The following KLRG2 variants were observed in gnomAD, a reference collection of about 807,000 sequenced individuals.
KLRG2 encodes the protein killer cell lectin like receptor G2, also known as killer cell lectin-like receptor subfamily G member 2.
A neutral mutation model predicts 35.4 loss-of-function variants in KLRG2; 39 were observed. The ratio of observed to expected loss-of-function variants is 1.10; its 90% CI spans 0.85 to 1.44. KLRG2 has a LOEUF of 1.44. KLRG2 is among the 40% of genes most tolerant of loss of function. KLRG2 has a pLI of 0.00. For missense variants in KLRG2, 632 were observed against 570.9 expected, an observed-to-expected ratio of 1.11 and a Z score of -1.09; for synonymous variants, 283 against 265.8, an observed-to-expected ratio of 1.06 and a Z score of -0.63.
intron 3 of KLRG2, among the ~76,000 whole-genome samples, chr7:139,464,423 G>A (rs866852780): frequency 6.6e-5 from 10 of 152,044 alleles, no homozygotes; most frequent in Admixed American, 1.3e-4. Context: ...CAGGATCTGC[G>A]CCTTATCAAC....
the KLRG2 span, among the ~76,000 whole-genome samples, chr7:139,428,379 G>A: frequency 6.6e-6 from 1 of 151,852 alleles, no homozygotes; most frequent in African/African-American, 2.4e-5. Flanking sequence ...GAATAGCCCT[G>A]CCCCCACCCA....
the KLRG2 span, among the ~76,000 whole-genome samples, chr7:139,431,393 C>T: frequency 6.6e-6 from 1 of 151,618 alleles, no homozygotes; most frequent in Non-Finnish European, 1.5e-5. Context: ...CATTATGCCT[C>T]AGTAAATCTG....
chr7:139,453,228 A>G lies in KLRG2; in HGVS notation c.*359T>C, dbSNP rs148224322. 4.0e-5 allele frequency: 17 copies of G among 423,118 alleles called. No individual in the cohort carries two copies. The highest frequency in any genetic ancestry group is 2.7e-4 in the Admixed American group (6 of 22,338). The allele number at this position is 423,118 out of a possible 1,614,324, so 26.2% of individuals were successfully genotyped here. Reference sequence around the variant, plus strand: ...TCCATGAGCCGGAATGAGAACCCAGATTGGAATCCGCTGTGGTTGTTAACC... The same window carrying G: ...TCCATGAGCCGGAATGAGAACCCAGGTTGGAATCCGCTGTGGTTGTTAACC... On this transcript the variant is annotated 3_prime_UTR_variant, in exon 5 of 5. Transcript: ENST00000340940.
At chr7:139,433,074 C>T in the KLRG2 span, among the ~76,000 whole-genome samples, 1 of 152,160 alleles carries the variant, frequency 6.6e-6, no homozygotes, top group Admixed American at 6.5e-5. Flanking sequence ...TGTGGTTCCT[C>T]CTTGTATTTG....
In KLRG2 at chr7:139,483,466, G is replaced by T. The variant is rs1585181419; in HGVS notation, c.177C>A (p.Gly59=). Residue 59 remains glycine, a synonymous_variant, in exon 1 of 5, where the codon GGC becomes GGA. Transcript: ENST00000340940. Reference sequence around the variant, plus strand: ...TCTTGCTCGAGGGCTCCAGGCCTGCGCCCGCCGCCTTCTCCACGGCCCCGG... The same window carrying T: ...TCTTGCTCGAGGGCTCCAGGCCTGCTCCCGCCGCCTTCTCCACGGCCCCGG... ...SPAGAVEKAA[G]AGLEPSSKKK... is the part of the protein sequence containing the mutation. 1.3e-6 allele frequency: 2 copies of T among 1,590,968 alleles called. No homozygotes were observed. The highest frequency in any genetic ancestry group is 1.7e-6 in the Non-Finnish European group (2 of 1,176,492).
chr7:139,444,586 T>G, the KLRG2 span, among the ~76,000 whole-genome samples: 1 of 152,148 alleles, frequency 6.6e-6, no homozygotes, highest in Non-Finnish European at 1.5e-5. Context: ...AGTGAGAGGG[T>G]GGCCATCTGC....
chr7:139,446,090 G>A, the KLRG2 span, among the ~76,000 whole-genome samples: 1 of 151,288 alleles, frequency 6.6e-6, no homozygotes, highest in Non-Finnish European at 1.5e-5. Context: ...TGATCCGCCC[G>A]CCTCGGCCTC....
intron 3 of KLRG2, among the ~76,000 whole-genome samples, chr7:139,454,775 C>T (rs1377054138): frequency 6.6e-6 from 1 of 151,000 alleles, no homozygotes; most frequent in Admixed American, 6.6e-5. Context: ...GAGATTGCGC[C>T]ACTGCATTCC....
the KLRG2 span, among the ~76,000 whole-genome samples, chr7:139,429,112 C>T: frequency 6.6e-6 from 1 of 152,128 alleles, no homozygotes; most frequent in East Asian, 1.9e-4. Context: ...TCAAGACCAG[C>T]CTGGCCAACA....
chr7:139,479,915 G>C, intron 2 of KLRG2, 143 bp from the exon 3 acceptor site: 1 of 968,966 alleles, frequency 1.0e-6, no homozygotes, highest in Non-Finnish European at 1.5e-6. Context: ...AGTCTGTGCA[G>C]TGCACAAAGT....
At chr7:139,469,866 A>G (rs1327889534) in intron 3 of KLRG2, among the ~76,000 whole-genome samples, 1 of 152,274 alleles carries the variant, frequency 6.6e-6, no homozygotes, top group African/African-American at 2.4e-5. Context: ...GCACCCCTGC[A>G]TGCCCAGTCT....
the KLRG2 span, among the ~76,000 whole-genome samples, chr7:139,427,313 G>GTGTT: frequency 6.6e-6 from 1 of 152,140 alleles, no homozygotes; most frequent in African/African-American, 2.4e-5. Context: ...AAACATTAGG[G>GTGTT]TGTTAGAGGT....
At chr7:139,476,762 G>A (rs1397882385) in intron 3 of KLRG2, among the ~76,000 whole-genome samples, 2 of 152,092 alleles carry the variant, frequency 1.3e-5, no homozygotes, top group Non-Finnish European at 2.9e-5. Flanking sequence ...TTTCTTGAAT[G>A]TTTTTGGAAA....
chr7:139,428,615 T>TCAATATGA, the KLRG2 span, among the ~76,000 whole-genome samples: 2 of 150,348 alleles, frequency 1.3e-5, no homozygotes, highest in South Asian at 4.2e-4. Flanking sequence ...TTACTTGAAA[T>TCAATATGA]CAATATGACA....
At chr7:139,466,468 T>C (rs1229398650) in intron 3 of KLRG2, among the ~76,000 whole-genome samples, 2 of 152,164 alleles carry the variant, frequency 1.3e-5, no homozygotes, top group Non-Finnish European at 1.5e-5. Context: ...TCCCCACCCT[T>C]AAGTCTCTCT....
At chr7:139,464,696 G>A (rs1465380633) in intron 3 of KLRG2, among the ~76,000 whole-genome samples, 1 of 152,218 alleles carries the variant, frequency 6.6e-6, no homozygotes, top group Non-Finnish European at 1.5e-5. Context: ...TTACACAAGA[G>A]CCAGGACCGC....
chr7:139,445,866 T>A, the KLRG2 span, among the ~76,000 whole-genome samples: 1 of 150,078 alleles, frequency 6.7e-6, no homozygotes, highest in Non-Finnish European at 1.5e-5. Context: ...AGTTTCACTC[T>A]TATTGCCCAA....
the KLRG2 span, among the ~76,000 whole-genome samples, chr7:139,427,998 C>T: frequency 1.3e-5 from 2 of 152,106 alleles, no homozygotes; most frequent in East Asian, 3.9e-4. Flanking sequence ...CTTTTTGATT[C>T]TAAGTGAAAG....
At position 139,453,564 on chromosome 7, in the gene KLRG2, C is replaced by G. The variant is rs1796406214; in HGVS notation, c.*23G>C. 3.8e-6 allele frequency: 6 copies of G among 1,575,614 alleles called. No individual in the cohort carries two copies. Among genetic ancestry groups the G allele is most frequent in the South Asian group, 1.2e-5 (1 of 86,300 alleles). On this transcript the variant is annotated 3_prime_UTR_variant, in exon 5 of 5. Transcript: ENST00000340940. The stretch of plus-strand genomic sequence containing the variant: ...GGGGGTGCTGCATCTGCCTGGCAGG[C>G]TGAGGACCAGGCAGAGCCCAGATCA...
Sources: gnomAD v4.1 joint callset for allele counts (sites outside exome capture counted in the v4.1 genomes callset) on GRCh38, gnomAD v4.1.1 for gene constraint, MANE v1.5 for transcripts, NCBI Gene and HGNC (gene_info 2026-07-23, HGNC 2026-07-21) for gene names.